KLHL3: variants seen among roughly 807,000 people sequenced by gnomAD.
KLHL3 encodes the protein kelch-like protein 3.
In KLHL3, 19 loss-of-function variants were observed where a neutral mutation model predicts 70.5. The ratio of observed to expected loss-of-function variants is 0.27; its 90% CI spans 0.19 to 0.40. The LOEUF is 0.40. KLHL3 is among the 10% of genes least tolerant of loss of function. The pLI, the probability that KLHL3 is intolerant of heterozygous loss-of-function variation, is 1.00. For synonymous variants in KLHL3, 258 were observed against 290.3 expected, an observed-to-expected ratio of 0.89 and a Z score of 1.13; for missense variants, 512 against 771.1, an observed-to-expected ratio of 0.66 and a Z score of 3.98.
At chr5:137,656,405 T>C (rs1047922578) in intron 8 of KLHL3, among the ~76,000 whole-genome samples, 6 of 152,198 alleles carry the variant, frequency 3.9e-5, no homozygotes, top group Non-Finnish European at 5.9e-5. Flanking sequence ...TGTATAGCAA[T>C]ACACTGTACA....
intron 2 of KLHL3, among the ~76,000 whole-genome samples, chr5:137,712,369 A>G (rs1025067473): frequency 7.2e-5 from 11 of 152,284 alleles, no homozygotes; most frequent in Admixed American, 1.3e-4. Context: ...AATGAAGAAT[A>G]AAGATGGAGA....
rs1043240459 is a variant in KLHL3 at position 137,619,514 on chromosome 5, G to C, written c.*2584C>G. ...TCACAAGCAGCCGTGGCCACCCTAA[G>C]TGGGGCAGTAAGAGGCTTCATCTAC... On this transcript the variant is annotated 3_prime_UTR_variant, in exon 15 of 15. Coordinates refer to ENST00000309755, the MANE Select transcript of KLHL3 (RefSeq NM_017415.3). 11 of 152,674 alleles carry C rather than the reference G, an allele frequency of 7.2e-5. No homozygotes were observed. The highest frequency in any genetic ancestry group is 2.7e-4 in the African/African-American group (11 of 41,460). The allele number at this position is 152,674 out of a possible 1,614,324, so 9.5% of individuals were successfully genotyped here.
In KLHL3 at chr5:137,628,389, C is replaced by A. The variant is rs746774345; in HGVS notation, c.1499G>T (p.Gly500Val). ...CTCAACGCTCTTCCTCACCAAAGGCCCATCATGCCCACCTGTGGCGTACAG... is the reference window on the plus strand; with the variant it reads ...CTCAACGCTCTTCCTCACCAAAGGCACATCATGCCCACCTGTGGCGTACAG... Reference protein sequence around the residue: ...GQLYATGGHDGPLVRKSVEVY... With the variant: ...GQLYATGGHDVPLVRKSVEVY... The change falls in exon 13 of 15, where the codon GGG becomes GTG. Residue 500 changes from glycine (G) to valine (V), a missense_variant. By Grantham distance (109) the Gly-to-Val change is moderately radical. Coordinates refer to ENST00000309755, the MANE Select transcript of KLHL3 (RefSeq NM_017415.3). 5 of 1,614,160 alleles carry A rather than the reference C, an allele frequency of 3.1e-6. No homozygotes were observed. In the Admixed American group the frequency reaches 8.3e-5, roughly 27 times the overall value.
chr5:137,633,260 CAG>C (rs1379938114), intron 12 of KLHL3, among the ~76,000 whole-genome samples: 1 of 98,462 alleles, frequency 1.0e-5, no homozygotes, highest in East Asian at 3.6e-4. Flanking sequence ...GCCTGGGCAA[CAG>C]AGTGAGACTT....
chr5:137,633,029 C>T (rs1233044915), intron 12 of KLHL3, among the ~76,000 whole-genome samples: 1 of 151,922 alleles, frequency 6.6e-6, no homozygotes, highest in Non-Finnish European at 1.5e-5. Context: ...GCCTGCAATC[C>T]CAGCACTTTG....
At chr5:137,678,247 C>T (rs78918163) in intron 5 of KLHL3, among the ~76,000 whole-genome samples, 158 of 152,236 alleles carry the variant, frequency 1.0e-3, no homozygotes, top group African/African-American at 3.6e-3. Context: ...GACCCTACTA[C>T]CCCTAGGAAC....
chr5:137,669,330 A>T (rs1054069810), intron 6 of KLHL3, among the ~76,000 whole-genome samples: 1 of 152,134 alleles, frequency 6.6e-6, no homozygotes, highest in African/African-American at 2.4e-5. Flanking sequence ...CTGTTTGCCA[A>T]TGTCTCTCCT....
Position 137,708,415 on chromosome 5 carries a change from T to C in KLHL3, c.241+1335A>G, listed in dbSNP as rs138778375. ...CAAGCTTGTGTTCATTCTTCAGACATTCACTTATTCACCGCCTCCTGTGGT... is the reference window on the plus strand; with the variant it reads ...CAAGCTTGTGTTCATTCTTCAGACACTCACTTATTCACCGCCTCCTGTGGT... On this transcript the variant is annotated intron_variant, in intron 3 of 14. Transcript: ENST00000309755. Among the ~76,000 whole-genome samples, 4 of 152,330 alleles carry C rather than the reference T, an allele frequency of 2.6e-5. No individual in the cohort carries two copies. The East Asian group carries it at 7.7e-4, about 29-fold the overall frequency.
At chr5:137,703,051 C>T (rs1752603798) in intron 3 of KLHL3, among the ~76,000 whole-genome samples, 2 of 152,168 alleles carry the variant, frequency 1.3e-5, no homozygotes, top group Admixed American at 1.3e-4. Context: ...AGCTCATCTT[C>T]CAGGTTATTA....
In KLHL3 at chr5:137,720,533, G is replaced by T; in HGVS notation, c.66C>A (p.Asn22Lys). The T allele has an allele frequency of 6.2e-7, 1 of 1,614,094 alleles. No individual in the cohort carries two copies. Among genetic ancestry groups the T allele is most frequent in the South Asian group, 1.1e-5 (1 of 91,082 alleles). Residue 22 changes from asparagine to lysine, a missense_variant, in exon 2 of 15, where the codon AAC becomes AAA. Asn to Lys is a moderately conservative substitution (Grantham distance 94, BLOSUM62 0). Transcript: ENST00000309755. ...CAGGGTTGACAGTGATCGTCCTCTG[G>T]TTCTTCTCATCATCCCCAGCCTGTA... is the stretch of plus-strand genomic sequence containing the variant. ...TLIQAGDDEK[N>K]QRTITVNPAH... is the part of the protein sequence containing the mutation.
intron 11 of KLHL3, among the ~76,000 whole-genome samples, chr5:137,635,068 G>A (rs192661148): frequency 3.3e-5 from 5 of 152,282 alleles, no homozygotes; most frequent in Admixed American, 2.6e-4. Flanking sequence ...TACTTACTCA[G>A]TAGATTTTTT....
At position 137,618,301 on chromosome 5, in the gene KLHL3, T is replaced by C. The variant is rs1330642419; in HGVS notation, c.*3797A>G. 1 of 152,444 alleles carries C rather than the reference T, an allele frequency of 6.6e-6. No homozygotes were observed. Among genetic ancestry groups the C allele is most frequent in the Non-Finnish European group, 1.5e-5 (1 of 68,028 alleles). The allele number at this position is 152,444 out of a possible 1,614,324, so 9.4% of individuals were successfully genotyped here. ...TCCAGCTAGGTGCAAATGGGGAGCA[T>C]GGAGGCAATTTAAATGGCACCTGTC... On this transcript the variant is annotated 3_prime_UTR_variant, in exon 15 of 15. Transcript: ENST00000309755.
In KLHL3 at chr5:137,720,511, G is replaced by C. The variant is rs748418466; in HGVS notation, c.88C>G (p.Pro30Ala). 5.2e-5 allele frequency: 84 copies of C among 1,614,032 alleles called. 1 individual carries two copies. In the South Asian group the frequency reaches 6.4e-4, roughly 12 times the overall value. The change falls in exon 2 of 15, where the codon CCT (proline) becomes GCT (alanine). Residue 30 changes from proline to alanine, a missense_variant. Transcript: ENST00000309755. ...TTGAATGCTTTCCCCATGTGGGCAG[G>C]GTTGACAGTGATCGTCCTCTGGTTC... ...EKNQRTITVNPAHMGKAFKVM... is the reference protein window; with the variant it reads ...EKNQRTITVNAAHMGKAFKVM...
At chr5:137,677,887 T>A (rs1353335554) in intron 5 of KLHL3, among the ~76,000 whole-genome samples, 1 of 152,110 alleles carries the variant, frequency 6.6e-6, no homozygotes, top group Non-Finnish European at 1.5e-5. Flanking sequence ...TCAACACAGA[T>A]GAAAATGGGG....
intron 5 of KLHL3, among the ~76,000 whole-genome samples, chr5:137,686,223 C>A (rs1752158822): frequency 6.6e-6 from 1 of 152,178 alleles, no homozygotes; most frequent in Non-Finnish European, 1.5e-5. Flanking sequence ...CCCAAAAGTG[C>A]ATGTGGTCTG....
chr5:137,696,216 A>C (rs1057335477), intron 4 of KLHL3, among the ~76,000 whole-genome samples: 2 of 152,266 alleles, frequency 1.3e-5, no homozygotes, highest in Non-Finnish European at 2.9e-5. Flanking sequence ...AGGGCCATGC[A>C]CAGAGGGAGG....
intron 8 of KLHL3, among the ~76,000 whole-genome samples, chr5:137,655,992 A>G (rs1344001532): frequency 1.8e-5 from 2 of 112,086 alleles, no homozygotes; most frequent in Admixed American, 9.1e-5. Flanking sequence ...CTCTGCCTCA[A>G]GAAAAAAAAA....
Position 137,665,586 on chromosome 5 carries a change from G to C in KLHL3, c.637-3555C>G, listed in dbSNP as rs986582786. 7.2e-5 allele frequency among the ~76,000 whole-genome samples: 11 copies of C among 152,240 alleles called. No individual in the cohort carries two copies. In the East Asian group the frequency reaches 2.1e-3, roughly 29 times the overall value. ...GTTCATTCTTTCAAACCTACAGTAG[G>C]TTTTTAATTTTTCAGAATAAGCAGT... On this transcript the variant is annotated intron_variant, in intron 6 of 14. Coordinates refer to ENST00000309755, the MANE Select transcript of KLHL3 (RefSeq NM_017415.3).
intron 8 of KLHL3, chr5:137,647,646 C>G (rs914191558): frequency 2.2e-6 from 1 of 465,098 alleles, no homozygotes; most frequent in Non-Finnish European, 4.5e-6. Flanking sequence ...GGCCGCAGGG[C>G]TAACACCAAC....
Sources: gnomAD v4.1 joint callset for allele counts (sites outside exome capture counted in the v4.1 genomes callset) on GRCh38, gnomAD v4.1.1 for gene constraint, MANE v1.5 for transcripts, NCBI Gene and HGNC (gene_info 2026-07-23, HGNC 2026-07-21) for gene names.